The following ZNF385D variants were observed in gnomAD, a reference collection of about 807,000 sequenced individuals.
ZNF385D encodes the protein zinc finger protein 385D.
Under a neutral mutation model 35.8 loss-of-function variants are expected in ZNF385D, and 15 were observed. The ratio of observed to expected loss-of-function variants is 0.42; its 90% CI spans 0.28 to 0.64. The LOEUF (loss-of-function observed/expected upper bound fraction) is 0.64. ZNF385D is among the 30% of genes least tolerant of loss of function. The pLI is 0.23. For missense variants in ZNF385D, 474 were observed against 494.6 expected, an observed-to-expected ratio of 0.96 and a Z score of 0.39; for synonymous variants, 212 against 186.8, an observed-to-expected ratio of 1.13 and a Z score of -1.10.
intron 2 of ZNF385D, among the ~76,000 whole-genome samples, chr3:22,352,977 G>A (rs1211262499): frequency 6.6e-6 from 1 of 152,124 alleles, no homozygotes; most frequent in African/African-American, 2.4e-5. Context: ...AGGGACATGA[G>A]GCCTCATCTT....
intron 2 of ZNF385D, among the ~76,000 whole-genome samples, chr3:21,617,642 A>G (rs2064886537): frequency 6.6e-6 from 1 of 152,194 alleles, no homozygotes; most frequent in South Asian, 2.1e-4. Flanking sequence ...CAAGTGATTG[A>G]AACGCGGATT....
chr3:21,834,752 GA>G (rs1695216037), intron 3 of ZNF385D, among the ~76,000 whole-genome samples: 1 of 119,918 alleles, frequency 8.3e-6, no homozygotes, highest in Non-Finnish European at 1.7e-5. Flanking sequence ...TCGACAGTGG[GA>G]TCTCGTGGGA....
At chr3:22,219,901 A>C (rs1188473457) in intron 2 of ZNF385D, among the ~76,000 whole-genome samples, 1 of 152,058 alleles carries the variant, frequency 6.6e-6, no homozygotes, top group African/African-American at 2.4e-5. Context: ...CCTGTATTCT[A>C]TGCCTCTTTT....
intron 2 of ZNF385D, among the ~76,000 whole-genome samples, chr3:22,276,871 A>G (rs569257254): frequency 6.6e-6 from 1 of 152,272 alleles, no homozygotes; most frequent in East Asian, 1.9e-4. Flanking sequence ...TTCCTGTTCT[A>G]AAATTTTTAT....
intron 3 of ZNF385D, among the ~76,000 whole-genome samples, chr3:22,005,020 T>A (rs1259240533): frequency 8.2e-5 from 11 of 134,002 alleles, no homozygotes; most frequent in Admixed American, 7.4e-4. Context: ...CCTTAGATAT[T>A]TGGGGTTAAT....
chr3:21,852,258 C>G (rs1207722644), intron 3 of ZNF385D, among the ~76,000 whole-genome samples: 1 of 151,914 alleles, frequency 6.6e-6, no homozygotes, highest in Admixed American at 6.6e-5. Context: ...GGTTGCACAT[C>G]TCTAAGGAAT....
At chr3:21,502,816 A>G (rs953853940) in intron 4 of ZNF385D, among the ~76,000 whole-genome samples, 2 of 152,182 alleles carry the variant, frequency 1.3e-5, no homozygotes, top group Non-Finnish European at 2.9e-5. Context: ...TCTTTGACCA[A>G]TCTGAAGCAT....
chr3:22,294,541 G>C (rs1167118397), intron 2 of ZNF385D, among the ~76,000 whole-genome samples: 14 of 151,920 alleles, frequency 9.2e-5, no homozygotes, highest in Admixed American at 8.5e-4. Context: ...ATAATGACTG[G>C]CTAAATGGAT....
At chr3:22,039,814 C>G (rs960694152) in intron 3 of ZNF385D, among the ~76,000 whole-genome samples, 1 of 152,078 alleles carries the variant, frequency 6.6e-6, no homozygotes, top group African/African-American at 2.4e-5. Flanking sequence ...TGTCTTTCTT[C>G]TCTTTTCTTC....
upstream of ZNF385D, among the ~76,000 whole-genome samples, chr3:21,752,007 A>ACCCCCCCCC (rs71044940): frequency 4.5e-5 from 4 of 88,584 alleles, no homozygotes; most frequent in African/African-American, 9.8e-5. Context: ...ACACACACCC[A>ACCCCCCCCC]CCCCCCTCCC....
At chr3:21,691,825 A>G (rs1223752197) in intron 1 of ZNF385D, among the ~76,000 whole-genome samples, 1 of 152,166 alleles carries the variant, frequency 6.6e-6, no homozygotes, top group Non-Finnish European at 1.5e-5. Flanking sequence ...CACTATGCAA[A>G]TCCAGAATGT....
intron 3 of ZNF385D, among the ~76,000 whole-genome samples, chr3:21,564,172 G>C (rs2063057314): frequency 6.6e-6 from 1 of 152,110 alleles, no homozygotes; most frequent in African/African-American, 2.4e-5. Context: ...GGCAAAAAAA[G>C]TTTATAAACT....
intron 3 of ZNF385D, among the ~76,000 whole-genome samples, chr3:21,988,201 G>T (rs1450134909): frequency 3.1e-5 from 4 of 129,116 alleles, no homozygotes; most frequent in Admixed American, 7.3e-5. Context: ...GCTTTGTTCC[G>T]TTGCTGGTGA....
At chr3:22,283,364 C>T (rs1478009470) in intron 2 of ZNF385D, among the ~76,000 whole-genome samples, 5 of 152,136 alleles carry the variant, frequency 3.3e-5, no homozygotes, top group Non-Finnish European at 7.4e-5. Context: ...TTCTACCCAA[C>T]AACTGCAGAA....
chr3:22,061,213 A>G (rs905804447), intron 3 of ZNF385D, among the ~76,000 whole-genome samples: 1 of 152,198 alleles, frequency 6.6e-6, no homozygotes, highest in Non-Finnish European at 1.5e-5. Flanking sequence ...GTCTGAAAAC[A>G]TCTCAGCAGT....
intron 2 of ZNF385D, among the ~76,000 whole-genome samples, chr3:22,327,443 G>C (rs975036142): frequency 6.6e-6 from 1 of 152,160 alleles, no homozygotes; most frequent in African/African-American, 2.4e-5. Flanking sequence ...ATCCTGAAGT[G>C]GTGGTCCTAA....
chr3:21,711,738 T>C (rs569702135), intron 1 of ZNF385D, among the ~76,000 whole-genome samples: 1 of 152,192 alleles, frequency 6.6e-6, no homozygotes, highest in Non-Finnish European at 1.5e-5. Context: ...TAACAGGAAA[T>C]AAACAGCAAC....
At chr3:21,481,251 T>C (rs1454432324) in intron 4 of ZNF385D, among the ~76,000 whole-genome samples, 1 of 152,186 alleles carries the variant, frequency 6.6e-6, no homozygotes, top group Non-Finnish European at 1.5e-5. Context: ...ACAGACTCTT[T>C]CTTTAGAAAA....
chr3:21,530,189 A>T (rs2061890778), intron 3 of ZNF385D, among the ~76,000 whole-genome samples: 1 of 152,164 alleles, frequency 6.6e-6, no homozygotes, highest in South Asian at 2.1e-4. Flanking sequence ...CGCCAGAAAC[A>T]AATACTGGCA....
Sources: gnomAD v4.1 joint callset for allele counts (sites outside exome capture counted in the v4.1 genomes callset) on GRCh38, gnomAD v4.1.1 for gene constraint, MANE v1.5 for transcripts, NCBI Gene and HGNC (gene_info 2026-07-23, HGNC 2026-07-21) for gene names.